Variants in DOCK4 observed in about 807,000 individuals in gnomAD.
DOCK4 encodes the protein dedicator of cytokinesis protein 4.
DOCK4 carries 97 observed loss-of-function variants against 268.1 expected under a neutral mutation model. The observed-to-expected ratio is 0.36, with a 90% CI of 0.31 to 0.43. DOCK4 has a LOEUF of 0.43. DOCK4 is among the 20% of genes least tolerant of loss of function. The pLI is 1.00. For missense variants in DOCK4, 2,145 were observed against 2,455.7 expected, an observed-to-expected ratio of 0.87 and a Z score of 2.67; for synonymous variants, 954 against 887.2, an observed-to-expected ratio of 1.08 and a Z score of -1.34.
chr7:112,033,925 C>T (rs1199725650), intron 1 of DOCK4, among the ~76,000 whole-genome samples: 1 of 152,186 alleles, frequency 6.6e-6, no homozygotes, highest in Non-Finnish European at 1.5e-5. Flanking sequence ...TAAGAGTTCT[C>T]AAATGATAGC....
In DOCK4 at chr7:111,741,227, G is replaced by GA. The variant is rs769767389; in HGVS notation, c.4920-14dup. The GA allele has an allele frequency of 6.9e-6, 11 of 1,602,148 alleles. No homozygotes were observed. Among genetic ancestry groups the GA allele is most frequent in the African/African-American group, 2.7e-5 (2 of 73,700 alleles). On this transcript the variant is annotated splice_polypyrimidine_tract_variant and intron_variant, in intron 46 of 52. Transcript: ENST00000428084. ...GTAACTTAACGGGCTGTTTCAGGGG[G>GA]AAAAAAAAGGTCATTAACTCAGTCT... is the stretch of plus-strand genomic sequence containing the variant.
At chr7:111,948,627 T>C (rs912952317) in intron 8 of DOCK4, among the ~76,000 whole-genome samples, 3 of 151,506 alleles carry the variant, frequency 2.0e-5, no homozygotes, top group African/African-American at 4.8e-5. Context: ...GGAGTTTCAC[T>C]CTTGTTGCCC....
chr7:112,067,778 A>T (rs1366518049), intron 1 of DOCK4, among the ~76,000 whole-genome samples: 1 of 152,152 alleles, frequency 6.6e-6, no homozygotes, highest in Non-Finnish European at 1.5e-5. Context: ...AAAGGCTACC[A>T]CTTGAAATCC....
chr7:111,834,713 AT>A, intron 25 of DOCK4, 27 bp from the exon 26 acceptor site: 2 of 1,429,228 alleles, frequency 1.4e-6, no homozygotes, highest in Non-Finnish European at 1.9e-6. Flanking sequence ...AAAAGCATAC[AT>A]TTTATTTTTA....
intron 39 of DOCK4, among the ~76,000 whole-genome samples, chr7:111,762,768 T>TTTTTTTTTTTTTTTTTTTTTTTTTTTC (rs1797525239): frequency 8.5e-6 from 1 of 117,870 alleles, no homozygotes; most frequent in Non-Finnish European, 1.8e-5. Context: ...TTTTCTTTTT[T>TTTTTTTTTTTTTTTTTTTTTTTTTTTC]TTTTTTTTTT....
chr7:112,176,121 G>A (rs1460624765), intron 1 of DOCK4, among the ~76,000 whole-genome samples: 1 of 152,118 alleles, frequency 6.6e-6, no homozygotes. Context: ...CCTTTGTTTG[G>A]AGAGCAGGTG....
chr7:112,099,292 G>A (rs548836285), intron 1 of DOCK4, among the ~76,000 whole-genome samples: 55 of 126,996 alleles, frequency 4.3e-4, no homozygotes, highest in African/African-American at 1.4e-3. Context: ...ACCCTGTCTC[G>A]GATTTAAAAA....
At chr7:111,907,498 G>A (rs1045822102) in intron 13 of DOCK4, among the ~76,000 whole-genome samples, 2 of 152,252 alleles carry the variant, frequency 1.3e-5, no homozygotes, top group East Asian at 3.9e-4. Flanking sequence ...CATAATTTGA[G>A]AGGTACCAGT....
chr7:112,202,825 T>G (rs953191179), intron 1 of DOCK4, among the ~76,000 whole-genome samples: 3 of 151,774 alleles, frequency 2.0e-5, no homozygotes, highest in African/African-American at 7.3e-5. Flanking sequence ...GAAAATACAT[T>G]TAAAAAACAA....
In DOCK4 at chr7:111,728,704, A is replaced by T; in HGVS notation, c.5498T>A (p.Phe1833Tyr). Residue 1833 changes from phenylalanine to tyrosine, a missense_variant, in exon 53 of 53, where the codon TTC becomes TAC. Transcript: ENST00000428084. ...GTGGTACTCCACTGGAGAGGGGGTGAAAGACTGCACAGAGCCCTGCTCCGG... is the reference window on the plus strand; with the variant it reads ...GTGGTACTCCACTGGAGAGGGGGTGTAAGACTGCACAGAGCCCTGCTCCGG... ...RSPLKGSVQS[F>Y]TPSPVEYHSP... is the part of the protein sequence containing the mutation. 1 of 1,612,518 alleles carries T rather than the reference A, an allele frequency of 6.2e-7. No individual in the cohort carries two copies. Among genetic ancestry groups the T allele is most frequent in the South Asian group, 1.1e-5 (1 of 90,886 alleles).
chr7:112,111,854 C>T (rs1811685381), intron 1 of DOCK4, among the ~76,000 whole-genome samples: 1 of 152,172 alleles, frequency 6.6e-6, no homozygotes, highest in Non-Finnish European at 1.5e-5. Context: ...TCCACATGGG[C>T]CATTTCCAAG....
intron 1 of DOCK4, among the ~76,000 whole-genome samples, chr7:112,160,762 T>C (rs575225627): frequency 1.5e-4 from 23 of 152,348 alleles, no homozygotes; most frequent in African/African-American, 5.0e-4. Flanking sequence ...TATACACTTA[T>C]CTTTCGAAAC....
intron 26 of DOCK4, among the ~76,000 whole-genome samples, 177 bp from the exon 27 acceptor site, chr7:111,822,633 ACT>A (rs1563551827): frequency 6.6e-6 from 1 of 152,124 alleles, no homozygotes; most frequent in East Asian, 1.9e-4. Context: ...CATTCTCAGG[ACT>A]CAAACCCACC....
intron 30 of DOCK4, among the ~76,000 whole-genome samples, chr7:111,791,931 C>T (rs1799578186): frequency 6.6e-6 from 1 of 152,028 alleles, no homozygotes; most frequent in Admixed American, 6.6e-5. Context: ...ATAGTGGTCC[C>T]CCCAAAAGAA....
intron 1 of DOCK4, among the ~76,000 whole-genome samples, chr7:112,186,307 A>G (rs914052077): frequency 4.6e-5 from 7 of 152,226 alleles, no homozygotes; most frequent in African/African-American, 1.7e-4. Flanking sequence ...CAAAACAAAG[A>G]GTAATGAAGA....
At chr7:112,137,267 T>A (rs916141850) in intron 1 of DOCK4, among the ~76,000 whole-genome samples, 5 of 152,160 alleles carry the variant, frequency 3.3e-5, no homozygotes, top group Admixed American at 3.3e-4. Context: ...ATTGAATAAA[T>A]CCCTCTACAT....
At position 111,728,186 on chromosome 7, in the gene DOCK4, T is replaced by C. The variant is rs1251891261; in HGVS notation, c.*88A>G. The C allele has an allele frequency of 9.9e-7, 1 of 1,010,796 alleles. No individual in the cohort carries two copies. The highest frequency in any genetic ancestry group is 2.9e-5 in the East Asian group (1 of 33,978). The allele number at this position is 1,010,796 out of a possible 1,614,324, so 62.6% of individuals were successfully genotyped here. On this transcript the variant is annotated 3_prime_UTR_variant, in exon 53 of 53. Transcript: ENST00000428084. ...TTCATCGAAGGAGCTGAGTAAGTTA[T>C]TAAAGTGCCTACACTAAATGTCTTC...
chr7:112,184,007 G>C (rs907024633), intron 1 of DOCK4, among the ~76,000 whole-genome samples: 18 of 152,150 alleles, frequency 1.2e-4, no homozygotes, highest in African/African-American at 4.3e-4. Context: ...CCTCTGTGCA[G>C]ACTTTTATCA....
At chr7:111,798,494 C>G (rs1208507655) in intron 30 of DOCK4, among the ~76,000 whole-genome samples, 1 of 152,202 alleles carries the variant, frequency 6.6e-6, no homozygotes, top group East Asian at 1.9e-4. Context: ...TTTTTCTCAA[C>G]CTTGGTTGCA....
Sources: allele counts gnomAD v4.1 joint callset (sites outside exome capture counted in the v4.1 genomes callset), GRCh38; gene constraint gnomAD v4.1.1; transcripts MANE v1.5; gene names NCBI Gene and HGNC (gene_info 2026-07-23, HGNC 2026-07-21).